The following SLC8A1 variants were observed in gnomAD, a reference collection of about 807,000 sequenced individuals.
SLC8A1 encodes sodium/calcium exchanger 1.
A neutral mutation model predicts 68.3 loss-of-function variants in SLC8A1; 18 were observed. That is an observed-to-expected ratio of 0.26 (90% CI 0.18 to 0.39). SLC8A1 has a LOEUF of 0.39. Ranked by LOEUF, SLC8A1 falls within the 10% of genes least tolerant of loss-of-function variation. The pLI is 1.00. For missense variants in SLC8A1, 985 were observed against 1,156.7 expected, an observed-to-expected ratio of 0.85 and a Z score of 2.15; for synonymous variants, 475 against 415.5, an observed-to-expected ratio of 1.14 and a Z score of -1.74.
At chr2:40,429,754 G>A (rs375376698) in exon 2 of SLC8A1, 2 of 1,613,690 alleles carry the variant, frequency 1.2e-6, no homozygotes, top group Non-Finnish European at 1.7e-6. Context: ...CATATTGAAT[G>A]CAGCACTTCC....
rs192784241 is a variant in SLC8A1 at position 40,467,902 on chromosome 2, T to G, written c.-24-37598A>C. ...ATTGTATCATGCATGATCATAAGAC[T>G]GCATATAAATAAGCCAAATGTATTC... On this transcript the variant is annotated intron_variant, in intron 1 of 7. Coordinates refer to the SLC8A1 transcript ENST00000402441. 1.2e-4 allele frequency among the ~76,000 whole-genome samples: 19 copies of G among 152,252 alleles called. No homozygotes were observed. In the East Asian group the frequency reaches 3.5e-3, roughly 28 times the overall value.
intron 1 of SLC8A1, among the ~76,000 whole-genome samples, chr2:40,507,791 T>G (rs1706462994): frequency 6.6e-6 from 1 of 152,098 alleles, no homozygotes; most frequent in East Asian, 1.9e-4. Flanking sequence ...CTTAGAAGTG[T>G]GCTTGGAAAA....
chr2:40,248,661 A>AT (rs1216186915), intron 2 of SLC8A1, among the ~76,000 whole-genome samples: 2 of 151,970 alleles, frequency 1.3e-5, no homozygotes, highest in Non-Finnish European at 2.9e-5. Flanking sequence ...AAAATATGTC[A>AT]TTTTTTTCTA....
At chr2:40,204,884 C>G (rs1038554456) in intron 2 of SLC8A1, among the ~76,000 whole-genome samples, 3 of 151,828 alleles carry the variant, frequency 2.0e-5, no homozygotes, top group African/African-American at 7.3e-5. Flanking sequence ...AGCCACATGT[C>G]AGTGATTTAA....
chr2:40,115,152 AG>A (rs1308956880), exon 8 of SLC8A1: 1 of 861,460 alleles, frequency 1.2e-6, no homozygotes, highest in Non-Finnish European at 1.6e-6. Context: ...TTCCATCAGC[AG>A]GTAAGTGAAC....
chr2:40,438,389 T>C (rs377104943), intron 1 of SLC8A1, among the ~76,000 whole-genome samples: 1 of 152,156 alleles, frequency 6.6e-6, no homozygotes, highest in East Asian at 1.9e-4. Flanking sequence ...TCTGTATATA[T>C]AGTGAGCCCT....
exon 8 of SLC8A1, chr2:40,106,564 A>C (rs1462662794): frequency 6.6e-6 from 1 of 152,222 alleles, no homozygotes; most frequent in Non-Finnish European, 1.5e-5. Flanking sequence ...TTTATCATAG[A>C]CTTATCTGTC....
In SLC8A1 at chr2:40,391,580, G is replaced by C. The variant is rs533191105; in HGVS notation, c.1808+36893C>G. The stretch of plus-strand genomic sequence containing the variant: ...TGTAAATCCCTAAAAATTTATAAGA[G>C]CATTATGACTTTCATGCTCTTTCTT... On this transcript the variant is annotated intron_variant, in intron 2 of 7. Transcript: ENST00000406785. Among the ~76,000 whole-genome samples, 3 of 152,000 alleles carry C rather than the reference G, an allele frequency of 2.0e-5. No individual in the cohort carries two copies. In the South Asian group the frequency reaches 6.2e-4, roughly 32 times the overall value.
intron 1 of SLC8A1, among the ~76,000 whole-genome samples, chr2:40,487,714 C>T (rs1559764743): frequency 6.6e-6 from 1 of 152,146 alleles, no homozygotes. Context: ...CACTGTGACT[C>T]CAAGAGAGGG....
Position 40,481,580 on chromosome 2 carries a change from C to T in SLC8A1, c.-25+30769G>A, listed in dbSNP as rs148529073. Among the ~76,000 whole-genome samples the T allele has an allele frequency of 4.2e-3, 632 of 152,214 alleles. 4 individuals carry two copies. The highest frequency in any genetic ancestry group is 0.015 in the African/African-American group (612 of 41,516). On this transcript the variant is annotated intron_variant, in intron 1 of 7. Transcript: ENST00000402441. Reference sequence around the variant, plus strand: ...TTCTTTCTCTGTAAGAACCATAGTTCGATCTGGCTAATACAGTCTTATACT... The same window carrying T: ...TTCTTTCTCTGTAAGAACCATAGTTTGATCTGGCTAATACAGTCTTATACT...
rs559208640 is a variant in SLC8A1, at chr2:40,434,783, C to A, written c.-24-4479G>T. Among the ~76,000 whole-genome samples, 108 of 152,238 alleles carry A rather than the reference C, an allele frequency of 7.1e-4. 1 individual carries two copies. Among genetic ancestry groups the A allele is most frequent in the Admixed American group, 2.2e-3 (34 of 15,282 alleles). On this transcript the variant is annotated intron_variant, in intron 1 of 7. Coordinates refer to ENST00000406785, the Ensembl canonical transcript of SLC8A1. ...TTTAAAACAACACACAACCCATCAC[C>A]CACAGATTACAGACCCAAATGACAC... is the stretch of plus-strand genomic sequence containing the variant.
At chr2:40,386,939 A>C (rs1265994346) in intron 2 of SLC8A1, among the ~76,000 whole-genome samples, 2 of 151,402 alleles carry the variant, frequency 1.3e-5, no homozygotes, top group African/African-American at 4.9e-5. Flanking sequence ...ACTTCAACCC[A>C]AATATTATCT....
Position 40,439,499 on chromosome 2 carries a change from A to C in SLC8A1, c.-24-9195T>G, listed in dbSNP as rs184789927. 6.6e-5 allele frequency among the ~76,000 whole-genome samples: 10 copies of C among 152,252 alleles called. No homozygotes were observed. The East Asian group carries it at 1.9e-3, about 29-fold the overall frequency. ...CCTGTGGTCACTCTTTCTTCTTTCT[A>C]GTCTGCCTCTTGGAACTGGGGATGT... On this transcript the variant is annotated intron_variant, in intron 1 of 7. Coordinates refer to ENST00000406785, the Ensembl canonical transcript of SLC8A1.
rs56191722 is a variant in SLC8A1 at position 40,215,643 on chromosome 2, C to CAAAAAAAAAA, written c.1809-37798_1809-37789dup. 1.4e-4 allele frequency among the ~76,000 whole-genome samples: 10 copies of CAAAAAAAAAA among 69,924 alleles called. 1 individual carries two copies. The highest frequency in any genetic ancestry group is 5.7e-4 in the African/African-American group (10 of 17,482). The allele number at this position is 69,924 out of a possible 152,430, so 45.9% of individuals were successfully genotyped here. ...TGGGCGACAAAGCGAGACTCCGTCT[C>CAAAAAAAAAA]AAAAAAAAAAAAAAAAAAAAAAAAA... On this transcript the variant is annotated intron_variant, in intron 2 of 7. Coordinates refer to ENST00000406785, the Ensembl canonical transcript of SLC8A1.
exon 8 of SLC8A1, chr2:40,114,465 G>A (rs5543): frequency 0.26 from 39,535 of 152,742 alleles, 5,522 homozygotes; most frequent in East Asian, 0.62. Flanking sequence ...GCTGGAAGAA[G>A]GACCTTGCCA....
At chr2:40,475,362 T>G (rs1704226164) in intron 1 of SLC8A1, among the ~76,000 whole-genome samples, 1 of 152,006 alleles carries the variant, frequency 6.6e-6, no homozygotes, top group Non-Finnish European at 1.5e-5. Context: ...CTCGATCTCC[T>G]GACCTCGTGA....
chr2:40,144,993 G>A (rs2042188638), intron 6 of SLC8A1, among the ~76,000 whole-genome samples: 1 of 152,062 alleles, frequency 6.6e-6, no homozygotes, highest in Non-Finnish European at 1.5e-5. Context: ...TAGTCCCCAT[G>A]TGGCCCATTC....
chr2:40,452,402 C>A (rs1382970434), upstream of SLC8A1, among the ~76,000 whole-genome samples: 1 of 152,144 alleles, frequency 6.6e-6, no homozygotes, highest in African/African-American at 2.4e-5. Flanking sequence ...CGATTTCCTG[C>A]CGGCTCTCGG....
At chr2:40,418,575 T>C (rs546413918) in intron 2 of SLC8A1, among the ~76,000 whole-genome samples, 1 of 152,206 alleles carries the variant, frequency 6.6e-6, no homozygotes, top group East Asian at 1.9e-4. Context: ...ATGTCTGTAG[T>C]AGCCTCATTT....
Sources: gnomAD v4.1 joint callset for allele counts (sites outside exome capture counted in the v4.1 genomes callset) on GRCh38, gnomAD v4.1.1 for gene constraint, MANE v1.5 for transcripts, NCBI Gene and HGNC (gene_info 2026-07-23, HGNC 2026-07-21) for gene names.